Variants in XPO7 observed in about 807,000 individuals in gnomAD.
XPO7 encodes exportin 7.
In XPO7, 21 loss-of-function variants were observed where a neutral mutation model predicts 144.3. The observed-to-expected ratio is 0.15, with a 90% CI of 0.10 to 0.21. The LOEUF (loss-of-function observed/expected upper bound fraction) is 0.21, where lower values mean the gene tolerates loss of function less well. Among genes scored for constraint, XPO7 ranks in the 10% least tolerant of loss-of-function variants. The pLI, the probability that XPO7 is intolerant of heterozygous loss-of-function variation, is 1.00. For synonymous variants in XPO7, 580 were observed against 499.6 expected (o/e 1.16, Z -2.15); for missense variants, 808 against 1,325.8 (o/e 0.61, Z 6.06).
chr8:21,967,743 G>A (rs1370981825), intron 2 of XPO7, among the ~76,000 whole-genome samples: 1 of 152,188 alleles, frequency 6.6e-6, no homozygotes, highest in Non-Finnish European at 1.5e-5. Flanking sequence ...TCCAGGAACA[G>A]TGACCTTGAC....
In XPO7 at chr8:21,984,752, G is replaced by C; in HGVS notation, c.1384G>C (p.Val462Leu). The C allele has an allele frequency of 1.2e-6, 2 of 1,613,986 alleles. No individual in the cohort carries two copies. Among genetic ancestry groups the C allele is most frequent in the Non-Finnish European group, 1.7e-6 (2 of 1,179,894 alleles). ...ATATGAGAAGACGTGTGCACTCCTC[G>C]TGCAGTTGTTTGACCAGTCGGCCCA... is the stretch of plus-strand genomic sequence containing the variant. ...CEYEKTCALLVQLFDQSAQSY... is the reference protein window; with the variant it reads ...CEYEKTCALLLQLFDQSAQSY... Residue 462 changes from valine (V) to leucine (L), a missense_variant, in exon 12 of 28, where the codon GTG becomes CTG. Val to Leu is a conservative substitution (Grantham distance 32, BLOSUM62 1). This residue lies in a region of XPO7 where 416 missense variants were observed against 612.5 expected (regional missense o/e 0.68). Transcript: ENST00000252512.
At chr8:21,946,613 A>G in intron 1 of XPO7, among the ~76,000 whole-genome samples, 1 of 149,616 alleles carries the variant, frequency 6.7e-6, no homozygotes, top group East Asian at 1.9e-4. Flanking sequence ...AATCTAAGTT[A>G]AAGAAGTTCC....
In XPO7 at chr8:21,970,254, CAGA is replaced by C. The variant is rs1256449004; in HGVS notation, c.373_375del (p.Lys125del). On this transcript the variant is annotated inframe_deletion, in exon 4 of 28. Transcript: ENST00000252512. Reference sequence around the variant, plus strand: ...CACAAAACTGGGCTGGTTTGACTGTCAGAAGGATGACTATGTCTTCAGAAATGC... The same window carrying C: ...CACAAAACTGGGCTGGTTTGACTGTCAGGATGACTATGTCTTCAGAAATGC... 1 of 1,613,588 alleles carries C rather than the reference CAGA, an allele frequency of 6.2e-7. No individual in the cohort carries two copies. Among genetic ancestry groups the C allele is most frequent in the African/African-American group, 1.3e-5 (1 of 74,826 alleles).
chr8:21,979,693 C>T (rs565795346), intron 8 of XPO7, among the ~76,000 whole-genome samples: 379 of 152,312 alleles, frequency 2.5e-3, no homozygotes, highest in Non-Finnish European at 4.5e-3. Context: ...AGGCGTGAGC[C>T]ACCACACCCG....
rs540147845 is a variant in XPO7, at chr8:21,948,101, C to T, written c.19-18756C>T. 2.4e-3 allele frequency among the ~76,000 whole-genome samples: 361 copies of T among 152,238 alleles called. 3 individuals carry two copies. The highest frequency in any genetic ancestry group is 3.9e-3 in the Non-Finnish European group (264 of 67,998). On this transcript the variant is annotated intron_variant, in intron 1 of 27. Transcript: ENST00000252512. ...AGATTACTTACCAAATTTGTAATAC[C>T]TCTTACTCTCATATATTGACCTAAA...
intron 1 of XPO7, among the ~76,000 whole-genome samples, chr8:21,925,568 G>A (rs972737038): frequency 2.0e-5 from 3 of 152,226 alleles, no homozygotes; most frequent in Admixed American, 6.5e-5. Context: ...TTACTGGAGT[G>A]TGACTTGGTT....
chr8:21,934,401 C>T (rs1457224784), intron 1 of XPO7, among the ~76,000 whole-genome samples: 2 of 151,984 alleles, frequency 1.3e-5, no homozygotes, highest in South Asian at 2.1e-4. Flanking sequence ...GGCGTGGTGG[C>T]GCATGCCTGT....
intron 1 of XPO7, among the ~76,000 whole-genome samples, chr8:21,941,462 T>G (rs1810992431): frequency 6.6e-6 from 1 of 152,214 alleles, no homozygotes; most frequent in Non-Finnish European, 1.5e-5. Flanking sequence ...TCATATACTT[T>G]AAATCATCTC....
chr8:21,945,218 G>A (rs184767703), intron 1 of XPO7, among the ~76,000 whole-genome samples: 11 of 152,220 alleles, frequency 7.2e-5, no homozygotes, highest in African/African-American at 2.7e-4. Context: ...CAGACGGGGT[G>A]GCGGCCGGGC....
chr8:22,003,202 C>A lies in XPO7; in HGVS notation c.2944-17C>A. ...ATACATTAGGTCACTGCCTGAAATT[C>A]TCCATTCCATTTTCAGATGCTGTCC... On this transcript the variant is annotated splice_polypyrimidine_tract_variant and intron_variant, in intron 25 of 27. Transcript: ENST00000252512. 1.3e-6 allele frequency: 2 copies of A among 1,594,616 alleles called. No individual in the cohort carries two copies. The highest frequency in any genetic ancestry group is 1.7e-6 in the Non-Finnish European group (2 of 1,168,746).
chr8:21,922,344 C>T (rs1810315876), intron 1 of XPO7, among the ~76,000 whole-genome samples: 1 of 152,046 alleles, frequency 6.6e-6, no homozygotes, highest in South Asian at 2.1e-4. Flanking sequence ...TTTGGATTGC[C>T]CTTTAGCTCT....
chr8:21,934,772 G>T (rs1263383587), intron 1 of XPO7, among the ~76,000 whole-genome samples: 1 of 152,156 alleles, frequency 6.6e-6, no homozygotes, highest in Non-Finnish European at 1.5e-5. Flanking sequence ...TTGCTATGCA[G>T]GCATTCAAGC....
chr8:21,955,281 C>T (rs1483247792), intron 1 of XPO7, among the ~76,000 whole-genome samples: 4 of 152,138 alleles, frequency 2.6e-5, no homozygotes, highest in Non-Finnish European at 5.9e-5. Flanking sequence ...TGGCAAAAGC[C>T]AGGTATATGG....
At chr8:21,994,885 G>A (rs897776227) in intron 20 of XPO7, among the ~76,000 whole-genome samples, 8 of 151,882 alleles carry the variant, frequency 5.3e-5, no homozygotes, top group African/African-American at 1.7e-4. Context: ...AACCCCGTCT[G>A]TACTAAAAAA....
At chr8:21,958,542 A>T (rs565671387) in intron 1 of XPO7, among the ~76,000 whole-genome samples, 1 of 151,528 alleles carries the variant, frequency 6.6e-6, no homozygotes, top group African/African-American at 2.4e-5. Flanking sequence ...GCACTTCAGC[A>T]CTCTGTGGGC....
At chr8:21,978,304 T>C (rs1165515767) in intron 8 of XPO7, among the ~76,000 whole-genome samples, 1 of 152,248 alleles carries the variant, frequency 6.6e-6, no homozygotes, top group African/African-American at 2.4e-5. Flanking sequence ...TGTATTTCTC[T>C]TTTAAAGCCA....
rs1811903983 is a variant in XPO7 at position 21,966,938 on chromosome 8, T to C, written c.100T>C (p.Leu34=). Residue 34 remains leucine, a synonymous_variant, in exon 2 of 28, where the codon TTG becomes CTG. Transcript: ENST00000252512. The stretch of plus-strand genomic sequence containing the variant: ...CACTCGACTCCAGGCAGAGAAAGCC[T>C]TGGTTGAATTTACCAACAGCCCTGA... ...TTTRLQAEKA[L]VEFTNSPDCL... The C allele has an allele frequency of 1.2e-6, 2 of 1,614,022 alleles. No homozygotes were observed. Among genetic ancestry groups the C allele is most frequent in the South Asian group, 1.1e-5 (1 of 91,080 alleles).
intron 25 of XPO7, among the ~76,000 whole-genome samples, chr8:22,002,520 T>C (rs900241728): frequency 6.6e-6 from 1 of 152,220 alleles, no homozygotes; most frequent in Non-Finnish European, 1.5e-5. Flanking sequence ...ACCTGTCTCA[T>C]GATCACTATC....
intron 25 of XPO7, among the ~76,000 whole-genome samples, chr8:22,002,693 C>T (rs984429850): frequency 1.3e-5 from 2 of 151,962 alleles, no homozygotes; most frequent in African/African-American, 4.8e-5. Flanking sequence ...ATATGCTTGC[C>T]CTTATTTTAT....
Sources: allele counts gnomAD v4.1 joint callset (sites outside exome capture counted in the v4.1 genomes callset), GRCh38; gene constraint gnomAD v4.1.1; regional missense constraint gnomAD v4.1.1; transcripts MANE v1.5; gene names NCBI Gene and HGNC (gene_info 2026-07-23, HGNC 2026-07-21).